Variants in TLN2 observed in about 807,000 individuals in gnomAD.
TLN2 encodes the protein talin-2.
In TLN2, 118 loss-of-function variants were observed where a neutral mutation model predicts 294.7. The ratio of observed to expected loss-of-function variants is 0.40; its 90% CI spans 0.34 to 0.47. The LOEUF (loss-of-function observed/expected upper bound fraction) is 0.47. Among genes scored for constraint, TLN2 ranks in the 20% least tolerant of loss-of-function variants. The pLI, the probability that TLN2 is intolerant of heterozygous loss-of-function variation, is 0.84. For synonymous variants in TLN2, 1,431 were observed against 1,304.5 expected (o/e 1.10, Z -2.09); for missense variants, 3,083 against 3,282.2 (o/e 0.94, Z 1.48).
At chr15:62,762,582 G>A (rs1412838786) in intron 39 of TLN2, 129 bp downstream of exon 39, 4 of 1,070,920 alleles carry the variant, frequency 3.7e-6, no homozygotes, top group African/African-American at 1.6e-5. Flanking sequence ...TCTCTTTGGG[G>A]CCGGAAGCAC....
intron 3 of TLN2, among the ~76,000 whole-genome samples, chr15:62,631,305 G>C (rs1330024837): frequency 6.6e-6 from 1 of 152,034 alleles, no homozygotes; most frequent in African/African-American, 2.4e-5. Context: ...ATGAATTTTG[G>C]AGAAGACACA....
chr15:62,503,681 CTT>C (rs1251182992), intron 1 of TLN2, among the ~76,000 whole-genome samples: 1 of 152,248 alleles, frequency 6.6e-6, no homozygotes, highest in Non-Finnish European at 1.5e-5. Flanking sequence ...CATTTCCTCT[CTT>C]GGCTCTTTGC....
At chr15:62,754,481 G>A (rs2062113119) in intron 36 of TLN2, 1 of 152,242 alleles carries the variant, frequency 6.6e-6, no homozygotes, top group African/African-American at 2.4e-5. Context: ...CAGTACATGT[G>A]ACATTCCATA....
intron 14 of TLN2, among the ~76,000 whole-genome samples, chr15:62,695,832 GA>G (rs1159928675): frequency 1.3e-5 from 2 of 152,232 alleles, no homozygotes; most frequent in African/African-American, 4.8e-5. Context: ...CTGACAGGGT[GA>G]TCTGCGTCAC....
intron 27 of TLN2, among the ~76,000 whole-genome samples, chr15:62,726,819 A>G (rs2060466976): frequency 6.6e-6 from 1 of 152,178 alleles, no homozygotes; most frequent in Non-Finnish European, 1.5e-5. Context: ...CTCCTCAGGA[A>G]ACTGAGGCTT....
chr15:62,580,860 C>A (rs1159616384), intron 1 of TLN2, among the ~76,000 whole-genome samples: 1 of 151,426 alleles, frequency 6.6e-6, no homozygotes, highest in Non-Finnish European at 1.5e-5. Flanking sequence ...CGCCCCCTGA[C>A]CCCTGGCAAC....
At chr15:62,785,707 C>T (rs1277070793) in intron 45 of TLN2, among the ~76,000 whole-genome samples, 2 of 150,816 alleles carry the variant, frequency 1.3e-5, no homozygotes, top group African/African-American at 4.9e-5. Context: ...GATATCTGTC[C>T]ACAGAAACCT....
chr15:62,596,799 G>C (rs964802816), intron 2 of TLN2, among the ~76,000 whole-genome samples: 1 of 151,778 alleles, frequency 6.6e-6, no homozygotes, highest in South Asian at 2.1e-4. Flanking sequence ...GCATGCAAAT[G>C]GCTAAAAGTA....
intron 1 of TLN2, among the ~76,000 whole-genome samples, chr15:62,490,020 A>G (rs967676246): frequency 7.9e-5 from 12 of 152,212 alleles, no homozygotes; most frequent in Admixed American, 7.2e-4. Flanking sequence ...GATTGTGTTT[A>G]TGTGAAGGCA....
intron 51 of TLN2, among the ~76,000 whole-genome samples, chr15:62,807,968 A>G (rs906914401): frequency 5.3e-5 from 8 of 152,194 alleles, no homozygotes; most frequent in Admixed American, 6.5e-5. Flanking sequence ...AGCGCATGCA[A>G]TAATGCATAG....
In TLN2 at chr15:62,605,744, A is replaced by G. The variant is rs139609430; in HGVS notation, c.-161-12607A>G. The stretch of plus-strand genomic sequence containing the variant: ...CCAGAGTCACCTATAAGCCCATGTC[A>G]TTGGTGTATCTAAGTCACGTTGGAC... On this transcript the variant is annotated intron_variant, in intron 2 of 58. Coordinates refer to ENST00000636159, the MANE Select transcript of TLN2 (RefSeq NM_015059.3). Among the ~76,000 whole-genome samples, 35 of 152,252 alleles carry G rather than the reference A, an allele frequency of 2.3e-4. 1 individual carries two copies. In the East Asian group the frequency reaches 5.6e-3, roughly 24 times the overall value.
At chr15:62,492,676 C>A (rs1185706928) in intron 1 of TLN2, among the ~76,000 whole-genome samples, 1 of 151,582 alleles carries the variant, frequency 6.6e-6, no homozygotes, top group Non-Finnish European at 1.5e-5. Flanking sequence ...CAACGCATTT[C>A]CCCCCATAGA....
chr15:62,391,013 G>C (rs1345936702), intron 1 of TLN2, among the ~76,000 whole-genome samples: 1 of 152,222 alleles, frequency 6.6e-6, no homozygotes, highest in African/African-American at 2.4e-5. Context: ...TCCTGGCCGT[G>C]GGCAGCCGGT....
At chr15:62,781,373 C>G in intron 44 of TLN2, 132 bp downstream of exon 44, 12 of 642,164 alleles carry the variant, frequency 1.9e-5, no homozygotes, top group Non-Finnish European at 3.2e-5. Context: ...GGGGCTCCAG[C>G]TTCTGTCCTT....
chr15:62,582,304 C>G (rs1051457780), intron 1 of TLN2, among the ~76,000 whole-genome samples: 3 of 150,732 alleles, frequency 2.0e-5, no homozygotes, highest in East Asian at 4.0e-4. Context: ...TTGGGGCCCC[C>G]TGTGTCTGCC....
chr15:62,694,688 T>C (rs1276529624), intron 14 of TLN2, among the ~76,000 whole-genome samples: 1 of 152,200 alleles, frequency 6.6e-6, no homozygotes, highest in East Asian at 1.9e-4. Flanking sequence ...TTAAATCTCA[T>C]GATCGAATCA....
At chr15:62,690,589 C>G (rs1257271219) in intron 12 of TLN2, 1 of 166,004 alleles carries the variant, frequency 6.0e-6, no homozygotes, top group Non-Finnish European at 1.2e-5. Flanking sequence ...GGCAGAGACG[C>G]TCCTTACTTC....
At chr15:62,426,446 A>T (rs1465393397) in intron 1 of TLN2, among the ~76,000 whole-genome samples, 1 of 152,156 alleles carries the variant, frequency 6.6e-6, no homozygotes, top group Non-Finnish European at 1.5e-5. Flanking sequence ...GACTGGGAGG[A>T]GACAGACGGC....
intron 57 of TLN2, 90 bp from the exon 58 acceptor site, chr15:62,838,766 T>A (rs1220484269): frequency 2.0e-6 from 3 of 1,510,286 alleles, no homozygotes; most frequent in Non-Finnish European, 2.7e-6. Context: ...AATTGACTCA[T>A]GGTCTCACAA....
Sources: gnomAD v4.1 joint callset for allele counts (sites outside exome capture counted in the v4.1 genomes callset) on GRCh38, gnomAD v4.1.1 for gene constraint, MANE v1.5 for transcripts, NCBI Gene and HGNC (gene_info 2026-07-23, HGNC 2026-07-21) for gene names.